Variants in C12orf42 observed in about 807,000 individuals in gnomAD.
C12orf42 encodes the protein chromosome 12 open reading frame 42.
C12orf42 carries 25 observed loss-of-function variants against 21.6 expected under a neutral mutation model. That is an observed-to-expected ratio of 1.16 (90% CI 0.84 to 1.62). The LOEUF (loss-of-function observed/expected upper bound fraction) is 1.62, where lower values mean the gene tolerates loss of function less well. Ranked by LOEUF, C12orf42 falls within the 40% of genes most tolerant of loss-of-function variation. C12orf42 has a pLI of 0.00. For synonymous variants in C12orf42, 174 were observed against 175.0 expected, an observed-to-expected ratio of 0.99 and a Z score of 0.05; for missense variants, 483 against 459.3, an observed-to-expected ratio of 1.05 and a Z score of -0.47.
At chr12:103,511,629 A>G in the C12orf42 span, among the ~76,000 whole-genome samples, 1 of 152,092 alleles carries the variant, frequency 6.6e-6, no homozygotes, top group South Asian at 2.1e-4. Flanking sequence ...AATGCATCCA[A>G]TTACTCAAAA....
At chr12:103,503,139 CA>C in the C12orf42 span, among the ~76,000 whole-genome samples, 6 of 152,170 alleles carry the variant, frequency 3.9e-5, no homozygotes, top group Admixed American at 1.3e-4. Flanking sequence ...AAGGATTCGA[CA>C]AATTAATAGG....
chr12:103,224,947 A>C, the C12orf42 span, among the ~76,000 whole-genome samples: 1 of 152,142 alleles, frequency 6.6e-6, no homozygotes, highest in Non-Finnish European at 1.5e-5. Flanking sequence ...TCAGCAGGGA[A>C]AGCACGTACG....
intron 10 of C12orf42, among the ~76,000 whole-genome samples, chr12:103,246,478 T>C (rs1232403586): frequency 1.3e-5 from 2 of 152,012 alleles, no homozygotes; most frequent in Non-Finnish European, 2.9e-5. Flanking sequence ...AGTCAAATGA[T>C]CTTATGCCAT....
At chr12:103,065,782 G>C in the C12orf42 span, among the ~76,000 whole-genome samples, 1 of 152,226 alleles carries the variant, frequency 6.6e-6, no homozygotes, top group Non-Finnish European at 1.5e-5. Flanking sequence ...CTACAACCAA[G>C]AAAGAGGCAC....
the C12orf42 span, among the ~76,000 whole-genome samples, chr12:103,049,507 A>G: frequency 2.0e-5 from 3 of 152,054 alleles, no homozygotes; most frequent in Non-Finnish European, 4.4e-5. Flanking sequence ...CTTGCCCCAT[A>G]CTTCTGTTCT....
chr12:103,430,836 C>T (rs1411869108), intron 2 of C12orf42, among the ~76,000 whole-genome samples: 4 of 152,122 alleles, frequency 2.6e-5, no homozygotes, highest in South Asian at 2.1e-4. Context: ...AGCTGGAAAC[C>T]ATTATTCTCA....
chr12:103,111,046 A>G, the C12orf42 span, among the ~76,000 whole-genome samples: 4 of 152,278 alleles, frequency 2.6e-5, no homozygotes, highest in Admixed American at 2.6e-4. Context: ...CTGCCAGGAA[A>G]CTCAGAGTTC....
chr12:103,346,631 G>GTGTGACTA (rs2042643710), intron 4 of C12orf42, among the ~76,000 whole-genome samples: 1 of 152,192 alleles, frequency 6.6e-6, no homozygotes, highest in African/African-American at 2.4e-5. Flanking sequence ...GGAAGCCTCA[G>GTGTGACTA]TGTGACTACA....
chr12:103,185,694 CT>C, the C12orf42 span, among the ~76,000 whole-genome samples: 3 of 151,750 alleles, frequency 2.0e-5, no homozygotes, highest in African/African-American at 7.3e-5. Flanking sequence ...TTCCCCAATA[CT>C]GTTCTTGTGG....
the C12orf42 span, among the ~76,000 whole-genome samples, chr12:103,221,193 G>T: frequency 6.6e-6 from 1 of 152,188 alleles, no homozygotes; most frequent in Non-Finnish European, 1.5e-5. Flanking sequence ...CAGAGAGATG[G>T]AGTTTGACAT....
the C12orf42 span, among the ~76,000 whole-genome samples, chr12:103,200,306 T>A: frequency 6.6e-6 from 1 of 152,132 alleles, no homozygotes; most frequent in Non-Finnish European, 1.5e-5. Flanking sequence ...GAAAGTGGAA[T>A]GGTGGTTGCC....
At chr12:103,405,514 G>A (rs2048359925) in intron 2 of C12orf42, among the ~76,000 whole-genome samples, 1 of 152,138 alleles carries the variant, frequency 6.6e-6, no homozygotes, top group Admixed American at 6.5e-5. Context: ...TCTTGATCAT[G>A]CTCCTCAAAA....
rs545118150 is a variant in C12orf42 at position 103,434,337 on chromosome 12, T to G, written c.79-32662A>C. Among the ~76,000 whole-genome samples, 24 of 152,294 alleles carry G rather than the reference T, an allele frequency of 1.6e-4. No homozygotes were observed. In the South Asian group the frequency reaches 4.8e-3, roughly 30 times the overall value. ...CCCTTGATGACGGAGCTGCACTCTG[T>G]TCTACCCAAATTATATAAACTCACA... On this transcript the variant is annotated intron_variant, in intron 2 of 5. Coordinates refer to ENST00000548883, the MANE Select transcript of C12orf42 (RefSeq NM_198521.5).
At chr12:103,176,416 C>T in the C12orf42 span, among the ~76,000 whole-genome samples, 3 of 152,116 alleles carry the variant, frequency 2.0e-5, no homozygotes, top group Admixed American at 6.6e-5. Flanking sequence ...ACAGCAACTA[C>T]ATTTTAGGTT....
At chr12:103,500,064 A>C (rs1434264456), upstream of C12orf42, among the ~76,000 whole-genome samples, 1 of 152,242 alleles carries the variant, frequency 6.6e-6, no homozygotes, top group Non-Finnish European at 1.5e-5. Flanking sequence ...TTTAAATGAT[A>C]ATATATTACA....
At chr12:103,154,973 C>T in the C12orf42 span, among the ~76,000 whole-genome samples, 1 of 152,088 alleles carries the variant, frequency 6.6e-6, no homozygotes. Context: ...AATACTTAGT[C>T]CTGTGTATTA....
the C12orf42 span, among the ~76,000 whole-genome samples, chr12:103,131,450 G>A: frequency 6.6e-6 from 1 of 152,136 alleles, no homozygotes; most frequent in East Asian, 1.9e-4. Context: ...CACAATCTGG[G>A]AATGTGTTTA....
At chr12:103,321,184 C>T (rs1050516084) in intron 4 of C12orf42, among the ~76,000 whole-genome samples, 18 of 151,518 alleles carry the variant, frequency 1.2e-4, no homozygotes, top group African/African-American at 4.4e-4. Flanking sequence ...AACAAACAAC[C>T]CCATCACAAA....
chr12:103,177,401 A>G, the C12orf42 span, among the ~76,000 whole-genome samples: 2 of 152,240 alleles, frequency 1.3e-5, no homozygotes, highest in Non-Finnish European at 2.9e-5. Context: ...GCTACCAAAG[A>G]GAGAACTATT....
Sources: gnomAD v4.1 joint callset for allele counts (sites outside exome capture counted in the v4.1 genomes callset) on GRCh38, gnomAD v4.1.1 for gene constraint, MANE v1.5 for transcripts, NCBI Gene and HGNC (gene_info 2026-07-23, HGNC 2026-07-21) for gene names.